LSS: variants seen among roughly 807,000 people sequenced by gnomAD.
LSS encodes 2,3-epoxysqualene-lanosterol cyclase.
A neutral mutation model predicts 110.3 loss-of-function variants in LSS; 90 were observed. The observed-to-expected ratio is 0.82, with a 90% CI of 0.69 to 0.97. The LOEUF is 0.97. Ranked by LOEUF, LSS falls within the 50% of genes least tolerant of loss-of-function variation. The pLI is 0.00. For missense variants in LSS, 927 were observed against 990.0 expected, an observed-to-expected ratio of 0.94 and a Z score of 0.85; for synonymous variants, 433 against 400.0, an observed-to-expected ratio of 1.08 and a Z score of -0.98.
chr21:46,209,464 G>A lies in LSS; in HGVS notation c.1266+90C>T, dbSNP rs73908581. On this transcript the variant is annotated intron_variant, in intron 13 of 21. Coordinates refer to ENST00000397728, the MANE Select transcript of LSS (RefSeq NM_002340.6). This position sits in a 1 kb window ranked among gnomAD's most constrained non-coding sequence, Gnocchi z 4.4. ...ACACCAGTGCAGGAAATAGGGCAGG[G>A]TGGAGGTGAGGTGGGCACTTCTGCC... 1.0e-3 allele frequency: 1,240 copies of A among 1,183,728 alleles called. 18 individuals carry two copies. The African/African-American group carries it at 0.017, about 16-fold the overall frequency. 73.3% of individuals were successfully genotyped at this position (1,183,728 alleles called of 1,614,324 possible).
chr21:46,190,450 C>T lies in LSS; in HGVS notation c.*654G>A, dbSNP rs1315981687. Reference sequence around the variant, plus strand: ...AACCCAGGGGTATGCGGCTCCATGACACCACCCCATACTCAGGCGAGCTCA... The same window carrying T: ...AACCCAGGGGTATGCGGCTCCATGATACCACCCCATACTCAGGCGAGCTCA... On this transcript the variant is annotated 3_prime_UTR_variant, in exon 22 of 22. Coordinates refer to ENST00000397728, the MANE Select transcript of LSS (RefSeq NM_002340.6). This position sits in a 1 kb window ranked among gnomAD's most constrained non-coding sequence, Gnocchi z 4.6. 6.6e-6 allele frequency: 1 copy of T among 152,090 alleles called. No individual in the cohort carries two copies. Among genetic ancestry groups the T allele is most frequent in the Non-Finnish European group, 1.4e-5 (1 of 70,002 alleles). The allele number at this position is 152,090 out of a possible 1,614,324, so 9.4% of individuals were successfully genotyped here.
chr21:46,215,398 T>TGGGGGGGCCCCCCCCCCCCCCCCCCCCC, intron 8 of LSS, 100 bp from the exon 9 acceptor site: 1 of 763,028 alleles, frequency 1.3e-6, no homozygotes, highest in Non-Finnish European at 2.1e-6. Context: ...TCCCAGGGTT[T>TGGGGGGGCCCCCCCCCCCCCCCCCCCCC]CCCCCTCCCA....
At chr21:46,191,326 G>A in intron 21 of LSS, 91 bp from the exon 22 acceptor site, 1 of 1,455,044 alleles carries the variant, frequency 6.9e-7, no homozygotes, top group Non-Finnish European at 9.6e-7. Context: ...GGCTTGGCTG[G>A]CTTGTGGGTG....
intron 3 of LSS, chr21:46,225,391 G>C (rs756584036): frequency 1.3e-4 from 61 of 453,398 alleles, no homozygotes; most frequent in Non-Finnish European, 2.4e-4. Context: ...CCCAACCGTG[G>C]TCTAGCGGTA....
chr21:46,192,806 A>G (rs111248103), intron 20 of LSS: 9,747 of 350,082 alleles, frequency 0.028, 436 homozygotes, highest in Non-Finnish European at 0.04. Flanking sequence ...ACCTGTGTGT[A>G]CATCTGTCTC....
chr21:46,221,785 C>T, intron 5 of LSS, 69 bp downstream of exon 5: 1 of 1,603,844 alleles, frequency 6.2e-7, no homozygotes. Flanking sequence ...CTTTCTGTAT[C>T]GCGTTTGTGA....
chr21:46,190,972 A>G lies in LSS; in HGVS notation c.*132T>C. The G allele has an allele frequency of 9.2e-7, 1 of 1,087,404 alleles. No individual in the cohort carries two copies. The highest frequency in any genetic ancestry group is 1.6e-5 in the South Asian group (1 of 62,292). The allele number at this position is 1,087,404 out of a possible 1,614,324, so 67.4% of individuals were successfully genotyped here. A position where few individuals can be genotyped will look rare whatever the true frequency, so the allele number is the denominator to read the frequency against. Reference sequence around the variant, plus strand: ...CATCCCTGCCTCCAGCCTGGCCCCCAGATTCACATCTATGAGATAGAGGTT... The same window carrying G: ...CATCCCTGCCTCCAGCCTGGCCCCCGGATTCACATCTATGAGATAGAGGTT... On this transcript the variant is annotated 3_prime_UTR_variant, in exon 22 of 22. Coordinates refer to ENST00000397728, the MANE Select transcript of LSS (RefSeq NM_002340.6). This position sits in a 1 kb window ranked among gnomAD's most constrained non-coding sequence, Gnocchi z 4.6.
At chr21:46,206,832 A>T in intron 15 of LSS, 64 bp from the exon 16 acceptor site, 1 of 1,211,474 alleles carries the variant, frequency 8.3e-7, no homozygotes, top group Non-Finnish European at 1.2e-6. Context: ...CGCCCAGGGC[A>T]CAGCGGAACT....
chr21:46,205,741 A>C, intron 17 of LSS, 95 bp downstream of exon 17: 1 of 927,700 alleles, frequency 1.1e-6, no homozygotes, highest in Non-Finnish European at 1.6e-6. Flanking sequence ...TTCGCTTCTG[A>C]GATGGGCCAC....
intron 5 of LSS, chr21:46,221,630 T>C: frequency 5.1e-6 from 3 of 583,924 alleles, no homozygotes; most frequent in South Asian, 2.0e-5. Context: ...AGTGCTGGAA[T>C]TGCAGGCGTG....
chr21:46,191,363 C>G, intron 21 of LSS, 128 bp from the exon 22 acceptor site: 1 of 1,009,750 alleles, frequency 9.9e-7, no homozygotes, highest in Non-Finnish European at 1.5e-6. Flanking sequence ...GCTAATTAAG[C>G]AAGAGCATAG....
chr21:46,194,469 G>A, intron 20 of LSS, 22 bp downstream of exon 20: 1 of 1,611,834 alleles, frequency 6.2e-7, no homozygotes, highest in Non-Finnish European at 8.5e-7. Flanking sequence ...CCAAGGCTCA[G>A]GGACGGTCCC....
intron 20 of LSS, chr21:46,193,681 G>A (rs1000288262): frequency 4.5e-6 from 2 of 448,478 alleles, no homozygotes; most frequent in African/African-American, 2.1e-5. Flanking sequence ...CAGATGGGAT[G>A]CTGTGGGTGT....
intron 3 of LSS, 110 bp from the exon 4 acceptor site, chr21:46,222,848 A>T: frequency 1.3e-6 from 1 of 768,576 alleles, no homozygotes; most frequent in African/African-American, 1.7e-5. Flanking sequence ...CCTCCTTCTC[A>T]TAAAAACACC....
chr21:46,208,543 C>T (rs941553637), intron 13 of LSS, among the ~76,000 whole-genome samples: 1 of 152,196 alleles, frequency 6.6e-6, no homozygotes, highest in African/African-American at 2.4e-5. Flanking sequence ...CCAGCCCAGA[C>T]GGGACTGGGA....
At chr21:46,220,853 G>A (rs1281994269) in intron 5 of LSS, among the ~76,000 whole-genome samples, 2 of 151,494 alleles carry the variant, frequency 1.3e-5, no homozygotes, top group East Asian at 3.9e-4. Flanking sequence ...GGCTTGGAGA[G>A]GTAGCCAGGC....
At position 46,196,294 on chromosome 21, in the gene LSS, C is replaced by T. The variant is rs1489212428; in HGVS notation, c.1671-27G>A. On this transcript the variant is annotated intron_variant, in intron 17 of 21. Transcript: ENST00000397728. ...TGGAACACGAGATTGGTCCAGTGAA[C>T]ATTCTGGTAAAACAGCAGTTTACCT... 4 of 1,602,442 alleles carry T rather than the reference C, an allele frequency of 2.5e-6. No homozygotes were observed. The East Asian group carries it at 8.9e-5, about 36-fold the overall frequency.
chr21:46,192,159 A>C (rs1476180734), intron 20 of LSS, 200 bp from the exon 21 acceptor site: 1 of 618,232 alleles, frequency 1.6e-6, no homozygotes. Flanking sequence ...CTCCCTGAGA[A>C]GCGGAGCCAC....
intron 15 of LSS, among the ~76,000 whole-genome samples, chr21:46,207,152 G>C (rs1259760725): frequency 6.6e-6 from 1 of 152,254 alleles, no homozygotes; most frequent in Non-Finnish European, 1.5e-5. Context: ...GAAACCACCA[G>C]AGAGAAACCT....
Sources: gnomAD v4.1 joint callset for allele counts (sites outside exome capture counted in the v4.1 genomes callset) on GRCh38, gnomAD v4.1.1 for gene constraint, Gnocchi (gnomAD v3.1) non-coding constraint, MANE v1.5 for transcripts, NCBI Gene and HGNC (gene_info 2026-07-23, HGNC 2026-07-21) for gene names.